ZDHHC18: variants seen among roughly 807,000 people sequenced by gnomAD.
ZDHHC18 encodes the protein zDHHC palmitoyltransferase 18.
A neutral mutation model predicts 37.5 loss-of-function variants in ZDHHC18; 23 were observed. The ratio of observed to expected loss-of-function variants is 0.61; its 90% CI spans 0.44 to 0.87. The LOEUF is 0.87. ZDHHC18 is among the 40% of genes least tolerant of loss of function. ZDHHC18 has a pLI of 0.00. For missense variants in ZDHHC18, 406 were observed against 525.6 expected (o/e 0.77, Z 2.22); for synonymous variants, 185 against 218.7 (o/e 0.85, Z 1.36).
In ZDHHC18 at chr1:26,850,495, G is replaced by T. The variant is rs368041681; in HGVS notation, c.784+57G>T. The T allele has an allele frequency of 6.2e-7, 1 of 1,614,122 alleles. No homozygotes were observed. Among genetic ancestry groups the T allele is most frequent in the African/African-American group, 1.3e-5 (1 of 74,946 alleles). On this transcript the variant is annotated intron_variant, in intron 4 of 7. Coordinates refer to ENST00000374142, the MANE Select transcript of ZDHHC18 (RefSeq NM_032283.3). This position sits in a 1 kb window ranked among gnomAD's most constrained non-coding sequence, Gnocchi z 6.1. Reference sequence around the variant, plus strand: ...AAGGGGTCAGCCAGCAAGCTCAAGGGTCAGCAAGCTTCAGCAGTCACTGTC... The same window carrying T: ...AAGGGGTCAGCCAGCAAGCTCAAGGTTCAGCAAGCTTCAGCAGTCACTGTC...
chr1:26,844,608 G>C (rs1376341111), intron 2 of ZDHHC18, among the ~76,000 whole-genome samples: 3 of 152,158 alleles, frequency 2.0e-5, no homozygotes, highest in African/African-American at 7.2e-5. Context: ...CATATGTTCA[G>C]CTTGGGTAGC....
At chr1:26,844,828 T>C (rs2081655430) in intron 2 of ZDHHC18, among the ~76,000 whole-genome samples, 1 of 152,206 alleles carries the variant, frequency 6.6e-6, no homozygotes, top group South Asian at 2.1e-4. Context: ...ACAGCCTCTT[T>C]TATGAGATGC....
intron 1 of ZDHHC18, among the ~76,000 whole-genome samples, chr1:26,827,679 T>A (rs1453716280): frequency 6.6e-6 from 1 of 152,114 alleles, no homozygotes. Flanking sequence ...TCCGGGTCCC[T>A]CCAGGGTCCC....
chr1:26,835,714 A>C (rs550064023), intron 2 of ZDHHC18, among the ~76,000 whole-genome samples: 3 of 152,168 alleles, frequency 2.0e-5, no homozygotes, highest in African/African-American at 7.2e-5. Context: ...AACAAAAAAA[A>C]CCAAAAACAT....
chr1:26,842,836 A>C (rs2081645482), intron 2 of ZDHHC18, among the ~76,000 whole-genome samples: 1 of 152,256 alleles, frequency 6.6e-6, no homozygotes, highest in Non-Finnish European at 1.5e-5. Flanking sequence ...ATTGGTAGGC[A>C]CTCAGTAAAT....
Position 26,850,687 on chromosome 1 carries a change from C to T in ZDHHC18, c.833+81C>T, listed in dbSNP as rs1414187682. Reference sequence around the variant, plus strand: ...TGGGTGCCCTGCCTCATCCTCTAATCAGAAGGGAACAGCGTACAGCTCACA... The same window carrying T: ...TGGGTGCCCTGCCTCATCCTCTAATTAGAAGGGAACAGCGTACAGCTCACA... On this transcript the variant is annotated intron_variant, in intron 5 of 7. Transcript: ENST00000374142. This position sits in a 1 kb window ranked among gnomAD's most constrained non-coding sequence, Gnocchi z 6.1. 8 of 1,467,960 alleles carry T rather than the reference C, an allele frequency of 5.4e-6. No individual in the cohort carries two copies. The Admixed American group carries it at 1.4e-4, about 26-fold the overall frequency. The allele number at this position is 1,467,960 out of a possible 1,614,324, so 90.9% of individuals were successfully genotyped here.
At position 26,846,483 on chromosome 1, in the gene ZDHHC18, T is replaced by C. The variant is rs561224167; in HGVS notation, c.497-2125T>C. On this transcript the variant is annotated intron_variant, in intron 2 of 7. Coordinates refer to ENST00000374142, the MANE Select transcript of ZDHHC18 (RefSeq NM_032283.3). ...CTGGGACTACAGGCGCCCGCCACCA[T>C]GCCCGGCTGATTTTTTTGTATTTTT... Among the ~76,000 whole-genome samples the C allele has an allele frequency of 4.3e-4, 64 of 149,134 alleles. No homozygotes were observed. The East Asian group carries it at 0.012, about 27-fold the overall frequency.
chr1:26,838,496 G>A (rs1176340666), intron 2 of ZDHHC18, among the ~76,000 whole-genome samples: 1 of 152,116 alleles, frequency 6.6e-6, no homozygotes, highest in Non-Finnish European at 1.5e-5. Flanking sequence ...TTCCCTCTGT[G>A]TTCTTGAGGC....
At chr1:26,846,122 A>ATG (rs1334047210) in intron 2 of ZDHHC18, among the ~76,000 whole-genome samples, 1 of 133,398 alleles carries the variant, frequency 7.5e-6, no homozygotes, top group Non-Finnish European at 1.7e-5. Context: ...GTATATATAT[A>ATG]TGTGTGTGTA....
At chr1:26,848,823 G>T in intron 3 of ZDHHC18, 66 bp downstream of exon 3, 1 of 1,571,312 alleles carries the variant, frequency 6.4e-7, no homozygotes. Context: ...GGGGATGGGG[G>T]GCATCAAGCA....
intron 2 of ZDHHC18, among the ~76,000 whole-genome samples, chr1:26,846,270 A>ATGTGTGTG (rs1451070196): frequency 2.1e-5 from 2 of 97,418 alleles, no homozygotes; most frequent in African/African-American, 8.2e-5. Flanking sequence ...CTATAGAGAT[A>ATGTGTGTG]TATGTGTGTG....
chr1:26,837,235 AGAGT>A lies in ZDHHC18; in HGVS notation c.496+4632_496+4635del, dbSNP rs1364189381. On this transcript the variant is annotated intron_variant, in intron 2 of 7. Coordinates refer to ENST00000374142, the MANE Select transcript of ZDHHC18 (RefSeq NM_032283.3). ...GCCACTGCACTCCAGCCTGGGCGAC[AGAGT>A]GAGACTCTGTCTCAAAAAAAATATA... 1.0e-4 allele frequency among the ~76,000 whole-genome samples: 15 copies of A among 145,730 alleles called. No homozygotes were observed. The Admixed American group carries it at 1.0e-3, about 10-fold the overall frequency.
intron 2 of ZDHHC18, among the ~76,000 whole-genome samples, chr1:26,838,777 C>G (rs562902527): frequency 6.6e-6 from 1 of 152,390 alleles, no homozygotes; most frequent in South Asian, 2.1e-4. Context: ...TTATCCACTT[C>G]TGTCTGACTC....
Position 26,851,197 on chromosome 1 carries a change from A to G in ZDHHC18, c.902A>G (p.Tyr301Cys), listed in dbSNP as rs1323252300. ...CTGGGCCTCTCAGGGTTTCACACGT[A>G]CCTCGTCGCCTCCAACCTGACTACT... ...SILGLSGFHT[Y>C]LVASNLTTNE... The change falls in exon 6 of 8, where the codon TAC becomes TGC. Residue 301 changes from tyrosine to cysteine, a missense_variant. Coordinates refer to ENST00000374142, the MANE Select transcript of ZDHHC18 (RefSeq NM_032283.3). 1.2e-6 allele frequency: 2 copies of G among 1,614,052 alleles called. No homozygotes were observed. The highest frequency in any genetic ancestry group is 1.7e-6 in the Non-Finnish European group (2 of 1,180,018).
At chr1:26,846,310 ATTTTTTTTTTTTTTTT>A (rs56921528) in intron 2 of ZDHHC18, among the ~76,000 whole-genome samples, 7 of 43,618 alleles carry the variant, frequency 1.6e-4, no homozygotes, top group African/African-American at 4.6e-4. Context: ...ATATATATAT[ATTTTTTTTTTTTTTTT>A]TTTTTTTTTT....
At position 26,853,726 on chromosome 1, in the gene ZDHHC18, C is replaced by T; in HGVS notation, c.1050C>T (p.Ser350=). ...CAVLCGPLPP[S]LIDRRGFVQS... ...ATGTGTCTCCCTTGTGTTTTGGAAG[C>T]CTAATTGACCGGAGGGGATTTGTGC... The change falls in exon 8 of 8, where the codon AGC becomes AGT. Residue 350 remains serine, a splice_region_variant and synonymous_variant. Coordinates refer to ENST00000374142, the MANE Select transcript of ZDHHC18 (RefSeq NM_032283.3). 1 of 1,613,986 alleles carries T rather than the reference C, an allele frequency of 6.2e-7. No individual in the cohort carries two copies. Among genetic ancestry groups the T allele is most frequent in the Admixed American group, 1.7e-5 (1 of 60,018 alleles).
chr1:26,853,033 T>A (rs548756188), intron 7 of ZDHHC18, 168 bp downstream of exon 7: 1 of 591,568 alleles, frequency 1.7e-6, no homozygotes, highest in East Asian at 2.9e-5. Flanking sequence ...TGTTATTTAA[T>A]CACGTGCTCA....
In ZDHHC18 at chr1:26,853,757, G is replaced by A. The variant is rs145327536; in HGVS notation, c.1081G>A (p.Asp361Asn). ...LIDRRGFVQS[D>N]TVLPSPIRSD... is the part of the protein sequence containing the mutation. The stretch of plus-strand genomic sequence containing the variant: ...TGACCGGAGGGGATTTGTGCAGTCC[G>A]ACACCGTGTTGCCCTCACCCATCAG... The change falls in exon 8 of 8, where the codon GAC becomes AAC. Residue 361 changes from aspartate (D) to asparagine (N), a missense_variant. Transcript: ENST00000374142. The A allele has an allele frequency of 2.9e-4, 473 of 1,614,084 alleles. 2 individuals are homozygous for A. The Admixed American group carries it at 3.6e-3, about 12-fold the overall frequency.
chr1:26,850,279 A>C lies in ZDHHC18; in HGVS notation c.647-22A>C, dbSNP rs370964882. 1 of 1,612,636 alleles carries C rather than the reference A, an allele frequency of 6.2e-7. No homozygotes were observed. The highest frequency in any genetic ancestry group is 1.3e-5 in the African/African-American group (1 of 74,884). Reference sequence around the variant, plus strand: ...GCTGCAGGCCAGCCCACACTAACCCATCGCCCCTTGCCCTTGTCCAGAACG... The same window carrying C: ...GCTGCAGGCCAGCCCACACTAACCCCTCGCCCCTTGCCCTTGTCCAGAACG... On this transcript the variant is annotated intron_variant, in intron 3 of 7. Transcript: ENST00000374142. The surrounding 1 kb of genome is among the most constrained non-coding windows in gnomAD (Gnocchi z 6.1).
Sources: gnomAD v4.1 joint callset for allele counts (sites outside exome capture counted in the v4.1 genomes callset) on GRCh38, gnomAD v4.1.1 for gene constraint, Gnocchi (gnomAD v3.1) non-coding constraint, MANE v1.5 for transcripts, NCBI Gene and HGNC (gene_info 2026-07-23, HGNC 2026-07-21) for gene names.